Variants in LUZP1 observed in about 807,000 individuals in gnomAD.
LUZP1 encodes the protein filamin mechanobinding actin cross-linking protein.
LUZP1 carries 25 observed loss-of-function variants against 71.3 expected under a neutral mutation model. The ratio of observed to expected loss-of-function variants is 0.35; its 90% CI spans 0.26 to 0.49. The LOEUF is 0.49. Ranked by LOEUF, LUZP1 falls within the 20% of genes least tolerant of loss-of-function variation. The pLI is 0.99. For missense variants in LUZP1, 1,142 were observed against 1,300.8 expected (o/e 0.88, Z 1.88); for synonymous variants, 481 against 506.4 (o/e 0.95, Z 0.67).
chr1:23,135,620 G>A (rs567480767), intron 2 of LUZP1, among the ~76,000 whole-genome samples: 1 of 152,300 alleles, frequency 6.6e-6, no homozygotes, highest in African/African-American at 2.4e-5. Flanking sequence ...GGTTGGGATA[G>A]TGTAAAAGCA....
chr1:23,174,648 T>A (rs1010517621), intron 1 of LUZP1, among the ~76,000 whole-genome samples: 1 of 152,130 alleles, frequency 6.6e-6, no homozygotes, highest in Non-Finnish European at 1.5e-5. Context: ...ATTTTTTACA[T>A]GTAGAAGTAT....
At chr1:23,099,997 T>A (rs1205638492) in intron 3 of LUZP1, among the ~76,000 whole-genome samples, 1 of 152,144 alleles carries the variant, frequency 6.6e-6, no homozygotes, top group Non-Finnish European at 1.5e-5. Flanking sequence ...AGACAATACA[T>A]CCTTCTGGAA....
At chr1:23,083,757 C>G (rs1643695187), downstream of LUZP1, 1 of 157,554 alleles carries the variant, frequency 6.3e-6, no homozygotes, top group South Asian at 2.0e-4. Flanking sequence ...TTGGAAATGC[C>G]AAGTTTATCC....
chr1:23,089,106 G>GGTC, intron 4 of LUZP1, 53 bp from the exon 4 acceptor site: 1 of 1,564,448 alleles, frequency 6.4e-7, no homozygotes, highest in Non-Finnish European at 8.8e-7. Context: ...AGTGAGGACC[G>GGTC]AGACACCCTC....
At chr1:23,108,249 C>T (rs1643999712) in intron 3 of LUZP1, among the ~76,000 whole-genome samples, 1 of 152,212 alleles carries the variant, frequency 6.6e-6, no homozygotes, top group South Asian at 2.1e-4. Context: ...CTTTGCTTTT[C>T]CAAGGTTAAA....
intron 2 of LUZP1, among the ~76,000 whole-genome samples, chr1:23,160,610 TCC>T (rs913022300): frequency 2.6e-5 from 4 of 152,160 alleles, no homozygotes; most frequent in African/African-American, 9.7e-5. Flanking sequence ...ATAAAAAGAA[TCC>T]AAGTTAATAA....
intron 1 of LUZP1, among the ~76,000 whole-genome samples, chr1:23,173,277 A>T (rs1420896108): frequency 1.3e-5 from 2 of 150,908 alleles, no homozygotes; most frequent in African/African-American, 2.4e-5. Context: ...AATAAATAAA[A>T]AAGAGCTAGA....
At chr1:23,118,869 T>G (rs1644106997) in intron 2 of LUZP1, among the ~76,000 whole-genome samples, 1 of 152,222 alleles carries the variant, frequency 6.6e-6, no homozygotes, top group Non-Finnish European at 1.5e-5. Context: ...TAAAGACCAC[T>G]AGAACTGATC....
intron 2 of LUZP1, among the ~76,000 whole-genome samples, chr1:23,152,869 TTTC>T (rs1644395009): frequency 6.6e-6 from 1 of 152,124 alleles, no homozygotes; most frequent in African/African-American, 2.4e-5. Context: ...CTATCTTCAC[TTTC>T]TTTTCTTCTT....
intron 2 of LUZP1, among the ~76,000 whole-genome samples, chr1:23,147,441 CA>C (rs536334327): frequency 1.5e-3 from 189 of 124,378 alleles, no homozygotes; most frequent in Non-Finnish European, 1.8e-3. Flanking sequence ...GACTCTATCT[CA>C]AAAAAAAAAA....
intron 2 of LUZP1, among the ~76,000 whole-genome samples, chr1:23,130,935 G>A (rs974710602): frequency 6.6e-6 from 1 of 151,846 alleles, no homozygotes; most frequent in African/African-American, 2.4e-5. Flanking sequence ...TTCTACCTGG[G>A]GGTTGGGCAC....
chr1:23,124,527 C>A (rs1335383646), intron 2 of LUZP1, among the ~76,000 whole-genome samples: 5 of 152,180 alleles, frequency 3.3e-5, no homozygotes, highest in African/African-American at 1.2e-4. Context: ...GTTATTCCTC[C>A]TCCATATGCC....
rs60316911 is a variant in LUZP1 at position 23,142,700 on chromosome 1, TACACACACACACACACACACAC to T, written c.-226+26044_-226+26065del. Among the ~76,000 whole-genome samples the T allele has an allele frequency of 3.3e-3, 345 of 104,380 alleles. 1 individual carries two copies. Among genetic ancestry groups the T allele is most frequent in the Middle Eastern group, 0.027 (6 of 220 alleles). The allele number at this position is 104,380 out of a possible 152,430, so 68.5% of individuals were successfully genotyped here. Reference sequence around the variant, plus strand: ...TGGGTGCATAAAATATATATATATATACACACACACACACACACACACACACACACACACACACACACACACA... The same window carrying T: ...TGGGTGCATAAAATATATATATATATACACACACACACACACACACACACA... On this transcript the variant is annotated intron_variant, in intron 2 of 4. Coordinates refer to ENST00000302291, the Ensembl canonical transcript of LUZP1.
At chr1:23,096,664 A>G (rs1442808767) in intron 3 of LUZP1, among the ~76,000 whole-genome samples, 1 of 152,166 alleles carries the variant, frequency 6.6e-6, no homozygotes, top group Admixed American at 6.5e-5. Flanking sequence ...AAAATACCTG[A>G]GGTAGTAATT....
chr1:23,110,667 C>CCCT (rs1557647789), intron 2 of LUZP1, among the ~76,000 whole-genome samples: 10 of 151,872 alleles, frequency 6.6e-5, no homozygotes, highest in African/African-American at 2.2e-4. Flanking sequence ...CACACACACC[C>CCCT]ATCCCTGCCT....
chr1:23,167,288 G>GAC (rs1644517037), intron 2 of LUZP1, among the ~76,000 whole-genome samples: 1 of 152,114 alleles, frequency 6.6e-6, no homozygotes, highest in Admixed American at 6.6e-5. Context: ...TCCCGGCTCT[G>GAC]ACACCAGTCC....
In LUZP1 at chr1:23,085,063, TACAC is replaced by T. The variant is rs558873914; in HGVS notation, c.*3828_*3831del. The T allele has an allele frequency of 4.6e-3, 703 of 152,746 alleles. 3 individuals are homozygous for T. Among genetic ancestry groups the T allele is most frequent in the South Asian group, 0.012 (57 of 4,828 alleles). 9.5% of individuals were successfully genotyped at this position (152,746 alleles called of 1,614,324 possible). ...ACATGCAGACAGGCAGCTCCAATGA[TACAC>T]ATGCACCCAAGGAGCCCTGAGCCAC... On this transcript the variant is annotated 3_prime_UTR_variant, in exon 5 of 5. Coordinates refer to ENST00000302291, the Ensembl canonical transcript of LUZP1.
At chr1:23,149,960 CAAAAAAAAAA>C (rs66680455) in intron 2 of LUZP1, among the ~76,000 whole-genome samples, 3 of 75,768 alleles carry the variant, frequency 4.0e-5, no homozygotes, top group East Asian at 3.9e-4. Flanking sequence ...GACTCCGTCT[CAAAAAAAAAA>C]AAAAAAAAAA....
chr1:23,092,733 G>A lies in LUZP1; in HGVS notation c.1529C>T (p.Thr510Met), dbSNP rs893015950. The A allele has an allele frequency of 8.7e-6, 14 of 1,613,954 alleles. No individual in the cohort carries two copies. Among genetic ancestry groups the A allele is most frequent in the Middle Eastern group, 1.6e-4 (1 of 6,062 alleles). The change falls in exon 4 of 5, where the codon ACG becomes ATG. Residue 510 changes from threonine to methionine, a missense_variant. Transcript: ENST00000302291. ...AGATCCATGGGTGGTGTCACTAAAC[G>A]TTCGTGTTGTCTTCTCCACTTTTCC...
Sources: allele counts gnomAD v4.1 joint callset (sites outside exome capture counted in the v4.1 genomes callset), GRCh38; gene constraint gnomAD v4.1.1; transcripts MANE v1.5; gene names NCBI Gene and HGNC (gene_info 2026-07-23, HGNC 2026-07-21).